The following MBNL2 variants were observed in gnomAD, a reference collection of about 807,000 sequenced individuals.
The protein encoded by MBNL2 is muscleblind-like protein 2.
In MBNL2, 17 loss-of-function variants were observed where a neutral mutation model predicts 41.9. The observed-to-expected ratio is 0.41, with a 90% CI of 0.28 to 0.61. The LOEUF is 0.61. Among genes scored for constraint, MBNL2 ranks in the 20% least tolerant of loss-of-function variants. The pLI is 0.35. For missense variants in MBNL2, 336 were observed against 505.6 expected (o/e 0.66, Z 3.22); for synonymous variants, 195 against 182.9 (o/e 1.07, Z -0.53).
chr13:97,156,984 C>A, the MBNL2 span, among the ~76,000 whole-genome samples: 1 of 150,528 alleles, frequency 6.6e-6, no homozygotes, highest in East Asian at 2.0e-4. Flanking sequence ...TTACCTTGGG[C>A]AGTATGGCCA....
chr13:97,355,431 T>C (rs1369001381), intron 5 of MBNL2, among the ~76,000 whole-genome samples: 1 of 152,166 alleles, frequency 6.6e-6, no homozygotes, highest in East Asian at 1.9e-4. Context: ...TACTGTCTCA[T>C]GTCAAATGAC....
chr13:97,319,222 G>A (rs968414338), intron 2 of MBNL2, among the ~76,000 whole-genome samples: 8 of 148,920 alleles, frequency 5.4e-5, no homozygotes, highest in South Asian at 2.2e-4. Flanking sequence ...TGGGACACCC[G>A]GCGGGTGTTA....
At chr13:97,370,881 G>T (rs533372041) in intron 8 of MBNL2, among the ~76,000 whole-genome samples, 3 of 152,086 alleles carry the variant, frequency 2.0e-5, no homozygotes, top group African/African-American at 7.2e-5. Context: ...CAAATAGCTT[G>T]TTAACAAAAA....
the MBNL2 span, among the ~76,000 whole-genome samples, chr13:97,214,671 C>G: frequency 6.6e-6 from 1 of 152,198 alleles, no homozygotes; most frequent in East Asian, 1.9e-4. Context: ...TCACCTGCAG[C>G]TTAGAGACCC....
At chr13:97,246,291 AC>A (rs2045453306) in intron 1 of MBNL2, among the ~76,000 whole-genome samples, 1 of 151,940 alleles carries the variant, frequency 6.6e-6, no homozygotes, top group Non-Finnish European at 1.5e-5. Flanking sequence ...ACACACACAC[AC>A]ACACACACAC....
rs1179309333 is a variant in MBNL2 at position 97,346,340 on chromosome 13, AGAT to A, written c.541-463_541-461del. Among the ~76,000 whole-genome samples the A allele has an allele frequency of 6.6e-6, 1 of 152,054 alleles. No individual in the cohort carries two copies. The highest frequency in any genetic ancestry group is 2.4e-5 in the African/African-American group (1 of 41,366). On this transcript the variant is annotated intron_variant, in intron 4 of 8. Transcript: ENST00000679496. The surrounding 1 kb of genome is among the most constrained non-coding windows in gnomAD (Gnocchi z 4.2). Reference sequence around the variant, plus strand: ...ATAGAGGGATAGATTGATAGATGATAGATAATAGATGATGGATGAATGAACAGG... The same window carrying A: ...ATAGAGGGATAGATTGATAGATGATAAATAGATGATGGATGAATGAACAGG...
chr13:97,163,206 T>C, the MBNL2 span, among the ~76,000 whole-genome samples: 1 of 152,224 alleles, frequency 6.6e-6, no homozygotes, highest in Non-Finnish European at 1.5e-5. Context: ...CTGACTCCAC[T>C]CTTCCTTTCT....
chr13:97,240,735 C>T (rs2044104908), intron 1 of MBNL2, among the ~76,000 whole-genome samples: 1 of 152,106 alleles, frequency 6.6e-6, no homozygotes. Flanking sequence ...CTAAAGGAAT[C>T]ATAGTATTTC....
chr13:97,249,790 G>A (rs1241007483), intron 1 of MBNL2, among the ~76,000 whole-genome samples: 3 of 152,316 alleles, frequency 2.0e-5, no homozygotes, highest in Non-Finnish European at 4.4e-5. Flanking sequence ...GCAATTGGGT[G>A]TACTGTTTTG....
chr13:97,182,972 AT>A, the MBNL2 span, among the ~76,000 whole-genome samples: 46 of 152,180 alleles, frequency 3.0e-4, no homozygotes, highest in Admixed American at 2.0e-4. Context: ...TAAATTCAAG[AT>A]TTTTACAATA....
intron 2 of MBNL2, among the ~76,000 whole-genome samples, chr13:97,285,095 T>C (rs2054164849): frequency 6.6e-6 from 1 of 152,236 alleles, no homozygotes; most frequent in African/African-American, 2.4e-5. Flanking sequence ...GTCAGCATTT[T>C]GTCAGTACAC....
chr13:97,364,593 G>A (rs908115477), intron 7 of MBNL2, among the ~76,000 whole-genome samples: 7 of 152,122 alleles, frequency 4.6e-5, no homozygotes, highest in African/African-American at 1.2e-4. Flanking sequence ...TTTTCATACC[G>A]TTGGTGACAC....
chr13:97,225,677 A>G (rs1403331861), intron 1 of MBNL2, among the ~76,000 whole-genome samples: 1 of 152,212 alleles, frequency 6.6e-6, no homozygotes, highest in Non-Finnish European at 1.5e-5. Context: ...AGAGAGCTGC[A>G]GGTCAAGAGT....
the MBNL2 span, among the ~76,000 whole-genome samples, chr13:97,171,122 C>G: frequency 6.6e-6 from 1 of 152,164 alleles, no homozygotes; most frequent in African/African-American, 2.4e-5. Flanking sequence ...AGGACTGTCT[C>G]CCCACTTCAA....
At position 97,334,944 on chromosome 13, in the gene MBNL2, CA is replaced by C. The variant is rs1007803326; in HGVS notation, c.339+505del. On this transcript the variant is annotated intron_variant, in intron 3 of 8. Coordinates refer to ENST00000679496, the MANE Select transcript of MBNL2 (RefSeq NM_001382683.1). The surrounding 1 kb of genome is among the most constrained non-coding windows in gnomAD (Gnocchi z 5.3). ...AGACATGTTAGCAGAGCGCTTTCTG[CA>C]GTGTGTTCCAGGAAGATCCTAGTAA... Among the ~76,000 whole-genome samples the C allele has an allele frequency of 6.6e-6, 1 of 152,186 alleles. No homozygotes were observed. Among genetic ancestry groups the C allele is most frequent in the Non-Finnish European group, 1.5e-5 (1 of 68,038 alleles).
At chr13:97,383,108 T>C (rs562263325) in intron 8 of MBNL2, among the ~76,000 whole-genome samples, 15 of 152,308 alleles carry the variant, frequency 9.8e-5, no homozygotes, top group African/African-American at 3.6e-4. Context: ...TGTTCACCCT[T>C]GGATGACATA....
intron 2 of MBNL2, among the ~76,000 whole-genome samples, chr13:97,280,908 G>C (rs778941182): frequency 1.3e-5 from 2 of 152,146 alleles, no homozygotes; most frequent in Non-Finnish European, 2.9e-5. Flanking sequence ...TAGTAATGCT[G>C]CCATTGCTGG....
At chr13:97,210,845 G>A in the MBNL2 span, among the ~76,000 whole-genome samples, 1 of 152,026 alleles carries the variant, frequency 6.6e-6, no homozygotes, top group Admixed American at 6.6e-5. Flanking sequence ...TTTGCTGTGA[G>A]ACCAAAGTCA....
At chr13:97,290,697 A>G (rs1345108121) in intron 2 of MBNL2, among the ~76,000 whole-genome samples, 4 of 151,780 alleles carry the variant, frequency 2.6e-5, no homozygotes, top group East Asian at 1.9e-4. Flanking sequence ...AAAAAAAAAA[A>G]AAAAGAAAGA....
Sources: allele counts gnomAD v4.1 joint callset (sites outside exome capture counted in the v4.1 genomes callset), GRCh38; gene constraint gnomAD v4.1.1; non-coding constraint Gnocchi (gnomAD v3.1); transcripts MANE v1.5; gene names NCBI Gene and HGNC (gene_info 2026-07-23, HGNC 2026-07-21).